The following MIDEAS variants were observed in gnomAD, a reference collection of about 807,000 sequenced individuals.
MIDEAS encodes mitotic deacetylase-associated SANT domain protein.
MIDEAS carries 26 observed loss-of-function variants against 102.7 expected under a neutral mutation model. The observed-to-expected ratio is 0.25, with a 90% CI of 0.19 to 0.35. MIDEAS has a LOEUF of 0.35. Among genes scored for constraint, MIDEAS ranks in the 10% least tolerant of loss-of-function variants. The pLI is 1.00. For missense variants in MIDEAS, 1,231 were observed against 1,435.6 expected (o/e 0.86, Z 2.30); for synonymous variants, 585 against 591.0 (o/e 0.99, Z 0.15).
intron 1 of MIDEAS, among the ~76,000 whole-genome samples, chr14:73,786,050 T>TTACA (rs2053804571): frequency 6.6e-6 from 1 of 152,200 alleles, no homozygotes; most frequent in Non-Finnish European, 1.5e-5. Context: ...CACGCTGTAA[T>TTACA]TACAGGCCGG....
At chr14:73,726,518 C>T in intron 7 of MIDEAS, 86 bp downstream of exon 7, 1 of 1,307,334 alleles carries the variant, frequency 7.6e-7, no homozygotes. Context: ...ATGTGCATGC[C>T]AGCAGCCATA....
At chr14:73,778,035 A>G (rs544100916) in intron 1 of MIDEAS, among the ~76,000 whole-genome samples, 2 of 152,010 alleles carry the variant, frequency 1.3e-5, no homozygotes, top group East Asian at 1.9e-4. Context: ...TGAAAGAATG[A>G]AGAACCTGAC....
intron 1 of MIDEAS, among the ~76,000 whole-genome samples, chr14:73,777,401 A>G (rs950937000): frequency 2.0e-5 from 3 of 151,944 alleles, no homozygotes; most frequent in Non-Finnish European, 4.4e-5. Context: ...TTTCTCCTCA[A>G]TTTAGCTACA....
intron 3 of MIDEAS, chr14:73,730,186 G>T: frequency 1.4e-6 from 1 of 716,728 alleles, no homozygotes; most frequent in Non-Finnish European, 2.6e-6. Context: ...TTTTCTGTAA[G>T]GGGCCAGAGA....
intron 1 of MIDEAS, among the ~76,000 whole-genome samples, chr14:73,779,479 T>C (rs1308279593): frequency 6.6e-6 from 1 of 151,254 alleles, no homozygotes; most frequent in Non-Finnish European, 1.5e-5. Flanking sequence ...CCAGTGTGTC[T>C]GTTGCCTACC....
Position 73,718,767 on chromosome 14 carries a change from G to T in MIDEAS, c.*76C>A. On this transcript the variant is annotated 3_prime_UTR_variant, in exon 13 of 13. Coordinates refer to ENST00000423556, the MANE Select transcript of MIDEAS (RefSeq NM_001367710.1). ...TCCTCTCCTCACTCCCTCTTGAGATGCCAGGGTGTCTGCGGGCGCTGGCGG... is the reference window on the plus strand; with the variant it reads ...TCCTCTCCTCACTCCCTCTTGAGATTCCAGGGTGTCTGCGGGCGCTGGCGG... The T allele has an allele frequency of 7.6e-7, 1 of 1,311,330 alleles. No homozygotes were observed. Among genetic ancestry groups the T allele is most frequent in the Non-Finnish European group, 9.8e-7 (1 of 1,025,178 alleles). The allele number at this position is 1,311,330 out of a possible 1,614,324, so 81.2% of individuals were successfully genotyped here. A position where few individuals can be genotyped will look rare whatever the true frequency, so the allele number is the denominator to read the frequency against.
chr14:73,774,673 C>A (rs189145472), intron 1 of MIDEAS, among the ~76,000 whole-genome samples: 1 of 151,842 alleles, frequency 6.6e-6, no homozygotes, highest in African/African-American at 2.4e-5. Flanking sequence ...GGTTTTATAC[C>A]CCCAAATCCC....
Position 73,725,462 on chromosome 14 carries a change from T to C in MIDEAS, c.2486-102A>G, listed in dbSNP as rs10136165. The C allele has an allele frequency of 0.78, 706,732 of 907,080 alleles. 277,795 individuals carry two copies. The highest frequency in any genetic ancestry group is 0.94 in the East Asian group (38,182 of 40,804). 56.2% of individuals were successfully genotyped at this position (907,080 alleles called of 1,614,324 possible). ...AAGTGTGAGGCCATCCGCCCATGGTTTCTGCAGGCATCAGAGCCGGCTCCT... is the reference window on the plus strand; with the variant it reads ...AAGTGTGAGGCCATCCGCCCATGGTCTCTGCAGGCATCAGAGCCGGCTCCT... On this transcript the variant is annotated intron_variant, in intron 8 of 12. Coordinates refer to ENST00000423556, the MANE Select transcript of MIDEAS (RefSeq NM_001367710.1). The surrounding 1 kb of genome is among the most constrained non-coding windows in gnomAD (Gnocchi z 4.1).
chr14:73,726,406 C>T (rs141327741), intron 7 of MIDEAS, among the ~76,000 whole-genome samples, 198 bp downstream of exon 7: 20 of 152,328 alleles, frequency 1.3e-4, no homozygotes, highest in African/African-American at 4.8e-4. Context: ...TGGGAATGGA[C>T]AGGAGGACAC....
chr14:73,779,798 C>T (rs1435851882), intron 1 of MIDEAS, among the ~76,000 whole-genome samples: 2 of 146,176 alleles, frequency 1.4e-5, no homozygotes. Flanking sequence ...AGGATGGTCT[C>T]GATCTCCTGA....
chr14:73,783,677 A>G (rs1445329498), intron 1 of MIDEAS, among the ~76,000 whole-genome samples: 1 of 152,222 alleles, frequency 6.6e-6, no homozygotes, highest in Admixed American at 6.5e-5. Flanking sequence ...AGAAAGTCGT[A>G]AAGCGTTTGC....
At position 73,742,440 on chromosome 14, in the gene MIDEAS, C is replaced by T. The variant is rs1255678048; in HGVS notation, c.-247-2185G>A. ...TCAGAAGGAGATGAGGCGGGGCCTG[C>T]GGCTCCAGGACAAGCCTGCTTCTGC... is the stretch of plus-strand genomic sequence containing the variant. On this transcript the variant is annotated intron_variant, in intron 1 of 12. Coordinates refer to ENST00000423556, the MANE Select transcript of MIDEAS (RefSeq NM_001367710.1). This position sits in a 1 kb window ranked among gnomAD's most constrained non-coding sequence, Gnocchi z 4.4. Among the ~76,000 whole-genome samples the T allele has an allele frequency of 6.8e-6, 1 of 147,584 alleles. No individual in the cohort carries two copies. The highest frequency in any genetic ancestry group is 2.7e-5 in the African/African-American group (1 of 37,200).
In MIDEAS at chr14:73,738,905, C is replaced by T. The variant is rs1389083608; in HGVS notation, c.1104G>A (p.Gly368=). 14 of 1,537,698 alleles carry T rather than the reference C, an allele frequency of 9.1e-6. No individual in the cohort carries two copies. Among genetic ancestry groups the T allele is most frequent in the South Asian group, 1.3e-5 (1 of 78,262 alleles). Residue 368 remains glycine (G), a synonymous_variant, in exon 2 of 13, where the codon GGG becomes GGA. Coordinates refer to ENST00000423556, the MANE Select transcript of MIDEAS (RefSeq NM_001367710.1). ...GGAACAGGTTGCCAGTGGCCTCCTG[C>T]CCAGGCTGGGTGCCAGCCCCATCCA... is the stretch of plus-strand genomic sequence containing the variant. ...SALDGAGTQP[G]QEATGNLFLH... is the part of the protein sequence containing the mutation.
At chr14:73,772,503 A>T (rs1358036329) in intron 1 of MIDEAS, among the ~76,000 whole-genome samples, 3 of 152,204 alleles carry the variant, frequency 2.0e-5, no homozygotes, top group Admixed American at 6.5e-5. Flanking sequence ...TATTAAGATA[A>T]CAGTGACACA....
rs1483365777 is a variant in MIDEAS, at chr14:73,725,843, C to T, written c.2485+190G>A. On this transcript the variant is annotated intron_variant, in intron 8 of 12. Coordinates refer to ENST00000423556, the MANE Select transcript of MIDEAS (RefSeq NM_001367710.1). The surrounding 1 kb of genome is among the most constrained non-coding windows in gnomAD (Gnocchi z 4.1). ...CCTGCCCACTCCCTTCTCCCCTCCC[C>T]TCCAGGGCACAGGAAACCCCTGGAG... is the stretch of plus-strand genomic sequence containing the variant. Among the ~76,000 whole-genome samples, 1 of 152,162 alleles carries T rather than the reference C, an allele frequency of 6.6e-6. No homozygotes were observed. The highest frequency in any genetic ancestry group is 6.5e-5 in the Admixed American group (1 of 15,286).
intron 1 of MIDEAS, among the ~76,000 whole-genome samples, chr14:73,772,676 A>G (rs1052731453): frequency 6.6e-6 from 1 of 152,144 alleles, no homozygotes; most frequent in Non-Finnish European, 1.5e-5. Flanking sequence ...ATAAATAGAT[A>G]TCTTTGTACT....
intron 1 of MIDEAS, among the ~76,000 whole-genome samples, chr14:73,744,408 T>C (rs1299248194): frequency 1.3e-5 from 2 of 152,178 alleles, no homozygotes; most frequent in African/African-American, 4.8e-5. Context: ...AGATGCCAAG[T>C]TGATCTCAGC....
Position 73,718,792 on chromosome 14 carries a change from G to A in MIDEAS, c.*51C>T, listed in dbSNP as rs1481846376. ...GCCAGGGTGTCTGCGGGCGCTGGCG[G>A]CGGTGCGGGAAGGGCCGAGGCCCAG... On this transcript the variant is annotated 3_prime_UTR_variant, in exon 13 of 13. Coordinates refer to ENST00000423556, the MANE Select transcript of MIDEAS (RefSeq NM_001367710.1). The A allele has an allele frequency of 1.5e-6, 2 of 1,342,748 alleles. No homozygotes were observed. Among genetic ancestry groups the A allele is most frequent in the Non-Finnish European group, 1.9e-6 (2 of 1,051,594 alleles). 83.2% of individuals were successfully genotyped at this position (1,342,748 alleles called of 1,614,324 possible). A position where few individuals can be genotyped will look rare whatever the true frequency, so the allele number is the denominator to read the frequency against.
intron 1 of MIDEAS, among the ~76,000 whole-genome samples, chr14:73,741,509 T>C (rs1231105931): frequency 6.6e-6 from 1 of 152,040 alleles, no homozygotes; most frequent in African/African-American, 2.4e-5. Flanking sequence ...AGGTCATTGT[T>C]AGCAACCCCA....
Sources: gnomAD v4.1 joint callset for allele counts (sites outside exome capture counted in the v4.1 genomes callset) on GRCh38, gnomAD v4.1.1 for gene constraint, Gnocchi (gnomAD v3.1) non-coding constraint, MANE v1.5 for transcripts, NCBI Gene and HGNC (gene_info 2026-07-23, HGNC 2026-07-21) for gene names.